The following SNTG1 variants were observed in gnomAD, a reference collection of about 807,000 sequenced individuals.
The protein encoded by SNTG1 is syntrophin gamma 1.
A neutral mutation model predicts 74.7 loss-of-function variants in SNTG1; 39 were observed. The observed-to-expected ratio is 0.52, with a 90% CI of 0.40 to 0.68. The LOEUF (loss-of-function observed/expected upper bound fraction) is 0.68, where lower values mean the gene tolerates loss of function less well. Ranked by LOEUF, SNTG1 falls within the 30% of genes least tolerant of loss-of-function variation. The pLI is 0.00. For synonymous variants in SNTG1, 254 were observed against 217.1 expected, an observed-to-expected ratio of 1.17 and a Z score of -1.49; for missense variants, 685 against 609.5, an observed-to-expected ratio of 1.12 and a Z score of -1.30.
intron 18 of SNTG1, among the ~76,000 whole-genome samples, chr8:50,771,266 G>A (rs1480266707): frequency 2.0e-5 from 3 of 152,114 alleles, no homozygotes; most frequent in Non-Finnish European, 4.4e-5. Context: ...GATTCATTAT[G>A]TGGTCAGGAC....
At chr8:50,618,662 TC>T (rs1463817310) in intron 13 of SNTG1, among the ~76,000 whole-genome samples, 1 of 152,328 alleles carries the variant, frequency 6.6e-6, no homozygotes, top group Non-Finnish European at 1.5e-5. Context: ...AGAATTTGCA[TC>T]CTTGCCCATT....
intron 1 of SNTG1, among the ~76,000 whole-genome samples, chr8:50,098,105 A>C: frequency 6.6e-6 from 1 of 152,144 alleles, no homozygotes; most frequent in Non-Finnish European, 1.5e-5. Context: ...ACATAGCTCA[A>C]CTCCAGGAAA....
At chr8:50,117,540 A>G (rs954300242) in intron 1 of SNTG1, among the ~76,000 whole-genome samples, 4 of 152,158 alleles carry the variant, frequency 2.6e-5, no homozygotes, top group African/African-American at 9.6e-5. Context: ...CTGATCAATA[A>G]TCATGGAGGA....
At chr8:49,948,041 G>A (rs189476392) in intron 1 of SNTG1, among the ~76,000 whole-genome samples, 91 of 152,158 alleles carry the variant, frequency 6.0e-4, no homozygotes, top group African/African-American at 2.1e-3. Flanking sequence ...TGAGGCAGGA[G>A]ACTTGCTTGA....
At chr8:50,313,785 T>C (rs1353148833) in intron 2 of SNTG1, among the ~76,000 whole-genome samples, 2 of 149,966 alleles carry the variant, frequency 1.3e-5, no homozygotes, top group Non-Finnish European at 2.9e-5. Flanking sequence ...ATGTAAAGAA[T>C]TGACAGTGAT....
intron 13 of SNTG1, among the ~76,000 whole-genome samples, chr8:50,598,134 ACTC>A (rs752717282): frequency 6.8e-5 from 10 of 147,010 alleles, no homozygotes; most frequent in Non-Finnish European, 1.5e-4. Flanking sequence ...TATTTTAAAA[ACTC>A]CTTGCCCAGC....
At chr8:50,408,222 C>T (rs2092904192) in intron 4 of SNTG1, among the ~76,000 whole-genome samples, 1 of 152,166 alleles carries the variant, frequency 6.6e-6, no homozygotes, top group African/African-American at 2.4e-5. Flanking sequence ...TATGGAAAAG[C>T]TTAACTTTGG....
At chr8:50,528,011 G>A (rs2094236113) in intron 9 of SNTG1, among the ~76,000 whole-genome samples, 3 of 151,736 alleles carry the variant, frequency 2.0e-5, no homozygotes, top group Admixed American at 1.3e-4. Context: ...TTAACATATT[G>A]CAACATAGCA....
At chr8:49,953,689 G>A (rs1809921644) in intron 1 of SNTG1, among the ~76,000 whole-genome samples, 1 of 152,158 alleles carries the variant, frequency 6.6e-6, no homozygotes, top group Admixed American at 6.6e-5. Context: ...TGAGACACTG[G>A]AAATTTGCTG....
chr8:50,282,741 G>A (rs1168291395), intron 2 of SNTG1, among the ~76,000 whole-genome samples: 1 of 152,014 alleles, frequency 6.6e-6, no homozygotes, highest in Non-Finnish European at 1.5e-5. Context: ...ACTCCAGCCT[G>A]GGTGACAGAA....
At chr8:50,244,183 C>T (rs780762399) in intron 2 of SNTG1, among the ~76,000 whole-genome samples, 6 of 152,014 alleles carry the variant, frequency 3.9e-5, no homozygotes, top group Admixed American at 2.0e-4. Flanking sequence ...ATTTACAACA[C>T]GCAGATCTTG....
chr8:50,655,113 A>C (rs2095171945), intron 13 of SNTG1, among the ~76,000 whole-genome samples: 1 of 152,188 alleles, frequency 6.6e-6, no homozygotes, highest in Non-Finnish European at 1.5e-5. Flanking sequence ...AGCTTGTAAA[A>C]CATCTAGTGC....
rs752720347 is a variant in SNTG1 at position 50,502,767 on chromosome 8, C to CT, written c.364-4dup. The CT allele has an allele frequency of 5.0e-6, 8 of 1,601,908 alleles. No homozygotes were observed. Among genetic ancestry groups the CT allele is most frequent in the Non-Finnish European group, 6.8e-6 (8 of 1,170,986 alleles). ...TAATGATGATTGTATTCTTTTTATT[C>CT]TTTTTTTCAGGTTCAGGTTCTTCGG... On this transcript the variant is annotated splice_polypyrimidine_tract_variant and intron_variant, in intron 8 of 18. Coordinates refer to ENST00000642720, the MANE Select transcript of SNTG1 (RefSeq NM_018967.5).
At chr8:50,747,369 C>T (rs564672018) in intron 17 of SNTG1, among the ~76,000 whole-genome samples, 7 of 152,064 alleles carry the variant, frequency 4.6e-5, no homozygotes, top group Non-Finnish European at 7.4e-5. Flanking sequence ...GAGCGTGCTA[C>T]TCATATTCCT....
intron 13 of SNTG1, among the ~76,000 whole-genome samples, chr8:50,639,862 T>A (rs1292386745): frequency 6.6e-6 from 1 of 152,072 alleles, no homozygotes; most frequent in Non-Finnish European, 1.5e-5. Context: ...AACAAAAATG[T>A]CCCCATCTGT....
At chr8:50,246,297 A>G (rs1024473471) in intron 2 of SNTG1, among the ~76,000 whole-genome samples, 1 of 152,000 alleles carries the variant, frequency 6.6e-6, no homozygotes, top group Non-Finnish European at 1.5e-5. Context: ...GACATCAAAA[A>G]GTGTGTGGAA....
intron 1 of SNTG1, among the ~76,000 whole-genome samples, chr8:49,950,233 A>C (rs1455231228): frequency 1.3e-5 from 2 of 152,336 alleles, no homozygotes; most frequent in African/African-American, 4.8e-5. Context: ...TCTCTGAGTA[A>C]ATTTTAAATG....
intron 17 of SNTG1, among the ~76,000 whole-genome samples, chr8:50,729,058 G>T (rs959229570): frequency 9.2e-5 from 14 of 152,176 alleles, no homozygotes; most frequent in African/African-American, 3.4e-4. Flanking sequence ...TTCGCCTTTT[G>T]TTCTATCTTA....
intron 18 of SNTG1, among the ~76,000 whole-genome samples, chr8:50,786,041 T>C (rs1294948711): frequency 2.0e-5 from 3 of 152,002 alleles, no homozygotes; most frequent in East Asian, 3.8e-4. Context: ...GAAAAGGATG[T>C]ATGCCCTCCC....
Sources: allele counts gnomAD v4.1 joint callset (sites outside exome capture counted in the v4.1 genomes callset), GRCh38; gene constraint gnomAD v4.1.1; transcripts MANE v1.5; gene names NCBI Gene and HGNC (gene_info 2026-07-23, HGNC 2026-07-21).